Variants in PCDH7 observed in about 807,000 individuals in gnomAD.
PCDH7 encodes the protein protocadherin-7.
PCDH7 carries 17 observed loss-of-function variants against 58.9 expected under a neutral mutation model. The observed-to-expected ratio is 0.29, with a 90% CI of 0.20 to 0.43. The LOEUF (loss-of-function observed/expected upper bound fraction) is 0.43, where lower values mean the gene tolerates loss of function less well. Ranked by LOEUF, PCDH7 falls within the 20% of genes least tolerant of loss-of-function variation. PCDH7 has a pLI of 1.00. For missense variants in PCDH7, 1,274 were observed against 1,441.0 expected, an observed-to-expected ratio of 0.88 and a Z score of 1.88; for synonymous variants, 664 against 616.4, an observed-to-expected ratio of 1.08 and a Z score of -1.14.
chr4:30,914,062 G>A (rs143788781), intron 1 of PCDH7, among the ~76,000 whole-genome samples: 107 of 152,260 alleles, frequency 7.0e-4, no homozygotes, highest in Admixed American at 2.2e-3. Flanking sequence ...CCTCCCAACA[G>A]CAGAAGAGCA....
chr4:30,794,924 T>G (rs1288693060), intron 1 of PCDH7, among the ~76,000 whole-genome samples: 1 of 152,142 alleles, frequency 6.6e-6, no homozygotes. Flanking sequence ...TTTGGTATGA[T>G]AGTTAAGTGA....
At chr4:31,065,260 C>T (rs1757986781) in intron 3 of PCDH7, among the ~76,000 whole-genome samples, 1 of 152,068 alleles carries the variant, frequency 6.6e-6, no homozygotes, top group African/African-American at 2.4e-5. Context: ...GTGTACTTAG[C>T]TCTGAGTCGT....
At chr4:30,967,463 T>C (rs946513553) in intron 3 of PCDH7, among the ~76,000 whole-genome samples, 1 of 152,154 alleles carries the variant, frequency 6.6e-6, no homozygotes, top group Non-Finnish European at 1.5e-5. Context: ...TCTCTCTTTA[T>C]TTAAAATTAT....
intron 1 of PCDH7, among the ~76,000 whole-genome samples, chr4:30,900,575 T>C (rs1304765810): frequency 1.3e-5 from 2 of 152,206 alleles, no homozygotes; most frequent in Non-Finnish European, 2.9e-5. Context: ...CTTCTTATCA[T>C]CACCATGGGT....
intron 1 of PCDH7, among the ~76,000 whole-genome samples, chr4:30,761,573 G>A (rs980563912): frequency 9.9e-5 from 15 of 151,790 alleles, no homozygotes; most frequent in Admixed American, 2.0e-4. Context: ...TATAATTACA[G>A]CACCTCATAT....
intron 3 of PCDH7, among the ~76,000 whole-genome samples, chr4:31,023,181 G>C (rs1754166124): frequency 6.6e-6 from 1 of 152,166 alleles, no homozygotes; most frequent in African/African-American, 2.4e-5. Context: ...AATTGGCAAA[G>C]CATATGTGGA....
chr4:31,112,873 G>A (rs1209882279), intron 3 of PCDH7, among the ~76,000 whole-genome samples: 3 of 152,090 alleles, frequency 2.0e-5, no homozygotes, highest in Non-Finnish European at 4.4e-5. Context: ...AGAGTATTTA[G>A]TAGAGAGGAG....
At chr4:30,992,563 C>A (rs1039758719) in intron 3 of PCDH7, among the ~76,000 whole-genome samples, 4 of 152,140 alleles carry the variant, frequency 2.6e-5, no homozygotes, top group Non-Finnish European at 4.4e-5. Context: ...CTTTGCCTTT[C>A]AGATGGGGCT....
intron 3 of PCDH7, among the ~76,000 whole-genome samples, chr4:30,964,242 A>AT (rs1250300930): frequency 0.026 from 1,251 of 48,392 alleles, 27 homozygotes; most frequent in East Asian, 0.065. Flanking sequence ...TTATTTATTT[A>AT]TTTATTTATT....
intron 3 of PCDH7, among the ~76,000 whole-genome samples, chr4:30,999,793 A>T (rs1485712894): frequency 6.6e-6 from 1 of 152,138 alleles, no homozygotes; most frequent in Non-Finnish European, 1.5e-5. Flanking sequence ...TCTTCTATAG[A>T]TCTAATGTGT....
rs532202034 is a variant in PCDH7 at position 30,943,142 on chromosome 4, T to C, written c.288-6978T>C. On this transcript the variant is annotated intron_variant, in intron 2 of 3. Transcript: ENST00000509759. ...ATTTCTATTTTTAAATCACTTTCAT[T>C]CATCTTGAACCTCCATATCAATTCT... Among the ~76,000 whole-genome samples the C allele has an allele frequency of 3.2e-4, 48 of 152,122 alleles. No homozygotes were observed. In the South Asian group the frequency reaches 9.1e-3, roughly 29 times the overall value.
chr4:30,851,961 T>G (rs1451159005), intron 1 of PCDH7, among the ~76,000 whole-genome samples: 1 of 152,068 alleles, frequency 6.6e-6, no homozygotes, highest in African/African-American at 2.4e-5. Context: ...TCAGTGGCTT[T>G]TTTCAAAGAT....
At chr4:30,763,234 G>A (rs1030614966) in intron 1 of PCDH7, among the ~76,000 whole-genome samples, 2 of 152,006 alleles carry the variant, frequency 1.3e-5, no homozygotes, top group Non-Finnish European at 1.5e-5. Context: ...AAAAATAAAA[G>A]CATAAATAAA....
At chr4:31,117,356 T>C (rs964747980) in intron 3 of PCDH7, among the ~76,000 whole-genome samples, 3 of 152,198 alleles carry the variant, frequency 2.0e-5, no homozygotes, top group Admixed American at 6.5e-5. Context: ...TAGAGCTTTT[T>C]TATTTTCTCT....
chr4:30,806,991 C>A (rs927412823), intron 1 of PCDH7, among the ~76,000 whole-genome samples: 1 of 152,136 alleles, frequency 6.6e-6, no homozygotes, highest in African/African-American at 2.4e-5. Context: ...ACACTGGTAT[C>A]TGCTAATGCA....
chr4:30,831,030 G>A (rs972447696), intron 1 of PCDH7, among the ~76,000 whole-genome samples: 1 of 152,046 alleles, frequency 6.6e-6, no homozygotes. Context: ...TTTTCTGAAA[G>A]TATGGGTGTG....
intron 1 of PCDH7, among the ~76,000 whole-genome samples, chr4:30,760,881 A>C (rs1184219861): frequency 6.6e-6 from 1 of 152,164 alleles, no homozygotes; most frequent in African/African-American, 2.4e-5. Context: ...AGGGTCTTAC[A>C]GAGTGGGGTG....
intron 1 of PCDH7, among the ~76,000 whole-genome samples, chr4:30,822,884 A>G (rs1010137145): frequency 2.6e-5 from 4 of 152,304 alleles, no homozygotes; most frequent in East Asian, 1.9e-4. Context: ...TTTGAAAGCA[A>G]CAGGATCCTT....
At chr4:30,745,487 C>T (rs1293942630) in intron 1 of PCDH7, among the ~76,000 whole-genome samples, 1 of 152,064 alleles carries the variant, frequency 6.6e-6, no homozygotes, top group Non-Finnish European at 1.5e-5. Context: ...TTTTAAGATA[C>T]TGCCTCTCCA....
Sources: allele counts gnomAD v4.1 joint callset (sites outside exome capture counted in the v4.1 genomes callset), GRCh38; gene constraint gnomAD v4.1.1; transcripts MANE v1.5; gene names NCBI Gene and HGNC (gene_info 2026-07-23, HGNC 2026-07-21).